The following GPR176 variants were observed in gnomAD, a reference collection of about 807,000 sequenced individuals.
The protein encoded by GPR176 is G protein-coupled receptor 176.
GPR176 carries 26 observed loss-of-function variants against 35.4 expected under a neutral mutation model. The ratio of observed to expected loss-of-function variants is 0.74; its 90% confidence interval spans 0.54 to 1.02. GPR176 has a LOEUF of 1.02. Among genes scored for constraint, GPR176 ranks in the 50% least tolerant of loss-of-function variants. The pLI is 0.00. For synonymous variants in GPR176, 278 were observed against 271.3 expected (o/e 1.02, Z -0.24); for missense variants, 597 against 665.3 (o/e 0.90, Z 1.13).
chr15:39,888,904 A>C (rs1225374623), intron 1 of GPR176, among the ~76,000 whole-genome samples: 1 of 152,152 alleles, frequency 6.6e-6, no homozygotes, highest in Non-Finnish European at 1.5e-5. Flanking sequence ...AGGGGACTGG[A>C]ACTCCCAGCA....
At chr15:39,830,837 A>G (rs1019919199) in intron 1 of GPR176, among the ~76,000 whole-genome samples, 1 of 152,208 alleles carries the variant, frequency 6.6e-6, no homozygotes, top group Non-Finnish European at 1.5e-5. Context: ...GATGAAGGAA[A>G]TAAGTCAATA....
intron 1 of GPR176, among the ~76,000 whole-genome samples, chr15:39,826,333 A>T (rs372243929): frequency 6.6e-6 from 1 of 152,192 alleles, no homozygotes. Context: ...CCCATTCACA[A>T]CTCAGCAAAG....
chr15:39,861,278 A>G (rs2031570323), intron 1 of GPR176, among the ~76,000 whole-genome samples: 1 of 152,170 alleles, frequency 6.6e-6, no homozygotes, highest in Non-Finnish European at 1.5e-5. Context: ...TAGCCCGGGC[A>G]TGGTGGCTCA....
intron 1 of GPR176, among the ~76,000 whole-genome samples, chr15:39,808,439 G>A (rs992895482): frequency 3.3e-5 from 5 of 152,138 alleles, no homozygotes; most frequent in African/African-American, 1.2e-4. Flanking sequence ...TGCTTGGGAT[G>A]TTGTTCATAT....
At chr15:39,899,583 C>T (rs2033216964) in intron 1 of GPR176, among the ~76,000 whole-genome samples, 1 of 152,142 alleles carries the variant, frequency 6.6e-6, no homozygotes, top group South Asian at 2.1e-4. Flanking sequence ...AAAAATATAG[C>T]AAAATGCATA....
intron 1 of GPR176, among the ~76,000 whole-genome samples, chr15:39,857,987 G>A (rs939065567): frequency 2.7e-5 from 4 of 145,782 alleles, no homozygotes; most frequent in African/African-American, 5.1e-5. Context: ...AAAAAAAAAA[G>A]AAAGAAAGAA....
At chr15:39,905,407 T>C (rs2033392248) in intron 1 of GPR176, among the ~76,000 whole-genome samples, 1 of 151,374 alleles carries the variant, frequency 6.6e-6, no homozygotes, top group South Asian at 2.1e-4. Context: ...AACTTGGAGT[T>C]TGAGACTAGC....
chr15:39,855,256 A>T (rs2031140160), intron 1 of GPR176, among the ~76,000 whole-genome samples: 2 of 152,128 alleles, frequency 1.3e-5, no homozygotes, highest in East Asian at 3.8e-4. Flanking sequence ...TTTACTCCAA[A>T]ACTCCAAAAC....
intron 1 of GPR176, among the ~76,000 whole-genome samples, chr15:39,856,990 C>A (rs1004400185): frequency 1.3e-5 from 2 of 150,966 alleles, no homozygotes; most frequent in Non-Finnish European, 3.0e-5. Flanking sequence ...TTCCATATGT[C>A]TTTACTGGTT....
chr15:39,840,551 C>G (rs2029894068), intron 1 of GPR176, among the ~76,000 whole-genome samples: 1 of 152,130 alleles, frequency 6.6e-6, no homozygotes, highest in African/African-American at 2.4e-5. Flanking sequence ...TTAATGGGTG[C>G]AGCACACCAA....
chr15:39,802,837 C>T (rs575175722), intron 2 of GPR176, among the ~76,000 whole-genome samples: 9 of 152,294 alleles, frequency 5.9e-5, no homozygotes, highest in Non-Finnish European at 1.3e-4. Flanking sequence ...GGTCCTTCCA[C>T]AAAAATCAAT....
chr15:39,874,311 C>A (rs1279918632), intron 1 of GPR176, among the ~76,000 whole-genome samples: 1 of 152,228 alleles, frequency 6.6e-6, no homozygotes, highest in Non-Finnish European at 1.5e-5. Context: ...TGACATCTCA[C>A]ATGGATGATC....
At chr15:39,919,746 A>C in intron 1 of GPR176, 109 bp downstream of exon 1, 1 of 805,076 alleles carries the variant, frequency 1.2e-6, no homozygotes. Context: ...AACTCTCTGC[A>C]CTTTGCCAGG....
intron 1 of GPR176, among the ~76,000 whole-genome samples, chr15:39,883,556 T>A (rs534627750): frequency 2.6e-4 from 39 of 152,166 alleles, no homozygotes; most frequent in Non-Finnish European, 5.3e-4. Context: ...AACAAGTTTT[T>A]CATTATTAAA....
At position 39,802,270 on chromosome 15, in the gene GPR176, A is replaced by G; in HGVS notation, c.426-16T>C. ...TGAGTAGTACCTGCAAGATACACAAACAAAATTAATTCCACAGAAGATACT... is the reference window on the plus strand; with the variant it reads ...TGAGTAGTACCTGCAAGATACACAAGCAAAATTAATTCCACAGAAGATACT... On this transcript the variant is annotated splice_polypyrimidine_tract_variant and intron_variant, in intron 2 of 2. Transcript: ENST00000561100. 2 of 1,545,124 alleles carry G rather than the reference A, an allele frequency of 1.3e-6. No individual in the cohort carries two copies. The highest frequency in any genetic ancestry group is 1.8e-6 in the Non-Finnish European group (2 of 1,142,652).
At chr15:39,863,001 T>C (rs1213128743) in intron 1 of GPR176, among the ~76,000 whole-genome samples, 4 of 152,134 alleles carry the variant, frequency 2.6e-5, no homozygotes, top group Non-Finnish European at 5.9e-5. Flanking sequence ...GAGAGTGATA[T>C]TGATGATCTT....
At chr15:39,888,084 C>A (rs2032735427) in intron 1 of GPR176, among the ~76,000 whole-genome samples, 1 of 152,216 alleles carries the variant, frequency 6.6e-6, no homozygotes, top group Admixed American at 6.5e-5. Flanking sequence ...ACTCAAGGTC[C>A]TTTCCCTTTC....
At position 39,845,734 on chromosome 15, in the gene GPR176, G is replaced by C. The variant is rs117814690; in HGVS notation, c.173-38476C>G. 1.7e-3 allele frequency among the ~76,000 whole-genome samples: 255 copies of C among 152,230 alleles called. 7 individuals are homozygous for C. In the East Asian group the frequency reaches 0.044, roughly 26 times the overall value. On this transcript the variant is annotated intron_variant, in intron 1 of 2. Coordinates refer to ENST00000561100, the MANE Select transcript of GPR176 (RefSeq NM_007223.3). ...TAAGCGGGAGAGAGCTGGGCAAACA[G>C]TATATCAGAAAGTGCAAGCCCTGAA...
At chr15:39,829,044 A>T in intron 1 of GPR176, 1 of 760,014 alleles carries the variant, frequency 1.3e-6, no homozygotes, top group Non-Finnish European at 2.3e-6. Flanking sequence ...ATCCCATTTT[A>T]AAAATAAGGA....
Sources: allele counts gnomAD v4.1 joint callset (sites outside exome capture counted in the v4.1 genomes callset), GRCh38; gene constraint gnomAD v4.1.1; transcripts MANE v1.5; gene names NCBI Gene and HGNC (gene_info 2026-07-23, HGNC 2026-07-21).